CPT1C: variants seen among roughly 807,000 people sequenced by gnomAD.
CPT1C encodes the protein palmitoyl thioesterase CPT1C.
Under a neutral mutation model 97.3 loss-of-function variants are expected in CPT1C, and 61 were observed. The ratio of observed to expected loss-of-function variants is 0.63; its 90% confidence interval spans 0.51 to 0.78. The LOEUF is 0.78. Among genes scored for constraint, CPT1C ranks in the 30% least tolerant of loss-of-function variants. The pLI is 0.00. For synonymous variants in CPT1C, 469 were observed against 447.2 expected, an observed-to-expected ratio of 1.05 and a Z score of -0.61; for missense variants, 975 against 1,065.5, an observed-to-expected ratio of 0.92 and a Z score of 1.18.
rs2123400549 is a variant in CPT1C at position 49,705,003 on chromosome 19, C to G, written c.772-4C>G. The G allele has an allele frequency of 6.3e-7, 1 of 1,588,228 alleles. No individual in the cohort carries two copies. The highest frequency in any genetic ancestry group is 8.6e-7 in the Non-Finnish European group (1 of 1,163,518). On this transcript the variant is annotated splice_region_variant and splice_polypyrimidine_tract_variant and intron_variant, in intron 8 of 19. Coordinates refer to ENST00000598293, the MANE Select transcript of CPT1C (RefSeq NM_001199753.2). ...GTTTTGCCATCCCCTCTCCTGGTCC[C>G]CAGGACTTCCTGTATGTCACACCCA...
chr19:49,707,721 G>C (rs1427331629), intron 13 of CPT1C, 98 bp downstream of exon 13: 10 of 732,908 alleles, frequency 1.4e-5, no homozygotes, highest in Non-Finnish European at 1.7e-5. Context: ...ACTGAGGCTT[G>C]GCCGGGCACG....
rs779646057 is a variant in CPT1C, at chr19:49,711,876, T to A, written c.1934T>A (p.Met645Lys). 6.2e-7 allele frequency: 1 copy of A among 1,614,130 alleles called. No individual in the cohort carries two copies. The highest frequency in any genetic ancestry group is 8.5e-7 in the Non-Finnish European group (1 of 1,180,032). Residue 645 changes from methionine (M) to lysine (K), a missense_variant, in exon 17 of 20, where the codon ATG becomes AAG. Coordinates refer to ENST00000598293, the MANE Select transcript of CPT1C (RefSeq NM_001199753.2). ...DKHQALLKAA[M>K]SGQGVDRHLF... ...CACCAGGCTCTGCTGAAGGCAGCCATGAGCGGGCAGGGAGTTGACCGCCAC... is the reference window on the plus strand; with the variant it reads ...CACCAGGCTCTGCTGAAGGCAGCCAAGAGCGGGCAGGGAGTTGACCGCCAC...
chr19:49,694,084 TAA>T (rs66806048), intron 3 of CPT1C, among the ~76,000 whole-genome samples: 3 of 136,846 alleles, frequency 2.2e-5, no homozygotes, highest in Non-Finnish European at 4.7e-5. Flanking sequence ...TAAAATAAAA[TAA>T]AAAATAAATA....
At chr19:49,701,879 AATAT>A (rs1186142967) in intron 7 of CPT1C, among the ~76,000 whole-genome samples, 1 of 107,562 alleles carries the variant, frequency 9.3e-6, no homozygotes, top group Non-Finnish European at 1.9e-5. Context: ...TGTATATATA[AATAT>A]ATATATTTAT....
chr19:49,712,513 G>T, intron 17 of CPT1C: 1 of 566,326 alleles, frequency 1.8e-6, no homozygotes, highest in Non-Finnish European at 3.2e-6. Context: ...GGTCAGAGGA[G>T]GGGCGTGGTC....
chr19:49,692,244 C>T lies in CPT1C; in HGVS notation c.-9C>T. ...TATGACTCTGCCCGACTCAGGGCTC[C>T]AGCGTGACATGGCTGAAGCGCACCA... On this transcript the variant is annotated 5_prime_UTR_variant, in exon 3 of 20. Transcript: ENST00000598293. 6.2e-7 allele frequency: 1 copy of T among 1,613,334 alleles called. No homozygotes were observed. The highest frequency in any genetic ancestry group is 8.5e-7 in the Non-Finnish European group (1 of 1,179,964).
At chr19:49,712,453 C>T in intron 17 of CPT1C, 1 of 443,956 alleles carries the variant, frequency 2.3e-6, no homozygotes, top group South Asian at 2.8e-5. Context: ...ACAACGGGAG[C>T]AGACAAAAGG....
At chr19:49,694,874 C>T (rs2082572385) in intron 3 of CPT1C, among the ~76,000 whole-genome samples, 1 of 152,136 alleles carries the variant, frequency 6.6e-6, no homozygotes, top group South Asian at 2.1e-4. Flanking sequence ...GGCATGGTGG[C>T]TCACGCCTCT....
chr19:49,702,147 TTATTTATAAATTATAAATAAATATA>T (rs2083201614), intron 7 of CPT1C, among the ~76,000 whole-genome samples: 1 of 124,408 alleles, frequency 8.0e-6, no homozygotes, highest in Non-Finnish European at 1.7e-5. Context: ...AAATATATAT[TTATTTATAAATTATAAATAAATATA>T]TATTTATTTA....
At chr19:49,704,187 G>T (rs897935725) in intron 7 of CPT1C, among the ~76,000 whole-genome samples, 1 of 151,654 alleles carries the variant, frequency 6.6e-6, no homozygotes, top group Non-Finnish European at 1.5e-5. Context: ...TCTTTTTTGG[G>T]GGGGACGGAG....
At chr19:49,712,362 A>T in intron 17 of CPT1C, 1 of 267,990 alleles carries the variant, frequency 3.7e-6, no homozygotes, top group Non-Finnish European at 7.0e-6. Flanking sequence ...AAAAAAAAGG[A>T]GGGTGATGTT....
At position 49,700,690 on chromosome 19, in the gene CPT1C, A is replaced by G. The variant is rs140411644; in HGVS notation, c.288A>G (p.Gly96=). 6.2e-7 allele frequency: 1 copy of G among 1,608,394 alleles called. No homozygotes were observed. Among genetic ancestry groups the G allele is most frequent in the Non-Finnish European group, 8.5e-7 (1 of 1,179,982 alleles). ...KIKELLPDWG[G]QHHGLRGVLA... is the part of the protein sequence containing the mutation. ...TCTGTTTCTCTCCCCGCAGGGGTGGACAACACCACGGGCTCCGGGGGGTCC... is the reference window on the plus strand; with the variant it reads ...TCTGTTTCTCTCCCCGCAGGGGTGGGCAACACCACGGGCTCCGGGGGGTCC... Residue 96 remains glycine (G), a synonymous_variant, in exon 5 of 20, where the codon GGA becomes GGG. Coordinates refer to ENST00000598293, the MANE Select transcript of CPT1C (RefSeq NM_001199753.2).
chr19:49,707,014 C>A (rs941463084), intron 12 of CPT1C, among the ~76,000 whole-genome samples: 2 of 152,138 alleles, frequency 1.3e-5, no homozygotes, highest in African/African-American at 4.8e-5. Flanking sequence ...GTGGCTCATG[C>A]CTGTAGTCTC....
At chr19:49,695,514 A>T (rs1325845245) in intron 3 of CPT1C, among the ~76,000 whole-genome samples, 2 of 150,166 alleles carry the variant, frequency 1.3e-5, no homozygotes, top group Non-Finnish European at 3.0e-5. Flanking sequence ...CGAACTCCTG[A>T]TCTCAGGTGA....
chr19:49,710,186 T>C, intron 14 of CPT1C, 134 bp from the exon 15 acceptor site: 1 of 852,678 alleles, frequency 1.2e-6, no homozygotes, highest in Admixed American at 2.2e-5. Context: ...AATTCTCTTC[T>C]CTTCTTTGTC....
chr19:49,708,982 A>C, intron 14 of CPT1C, 143 bp downstream of exon 14: 5 of 600,224 alleles, frequency 8.3e-6, no homozygotes, highest in East Asian at 5.7e-5. Context: ...CCACCCCCAA[A>C]TCAGGCCATA....
In CPT1C at chr19:49,701,642, C is replaced by G; in HGVS notation, c.693+8C>G. The G allele has an allele frequency of 6.3e-7, 1 of 1,586,902 alleles. No homozygotes were observed. Among genetic ancestry groups the G allele is most frequent in the Non-Finnish European group, 8.6e-7 (1 of 1,161,714 alleles). Reference sequence around the variant, plus strand: ...TGGTGGGCGTCCAATTATGTGAGTCCCGCCACCGCCACCAACGCCCCACCT... The same window carrying G: ...TGGTGGGCGTCCAATTATGTGAGTCGCGCCACCGCCACCAACGCCCCACCT... On this transcript the variant is annotated splice_region_variant and intron_variant, in intron 7 of 19. Transcript: ENST00000598293.
In CPT1C at chr19:49,705,881, C is replaced by T. The variant is rs79067183; in HGVS notation, c.965-28C>T. On this transcript the variant is annotated intron_variant, in intron 10 of 19. Transcript: ENST00000598293. ...TTTTTATGTGTCTGGCCTTCCTGCC[C>T]CCATGCTTCTGCCAACGCCACCCCT... The T allele has an allele frequency of 3.6e-3, 5,807 of 1,592,764 alleles. 114 individuals are homozygous for T. The highest frequency in any genetic ancestry group is 6.6e-3 in the East Asian group (296 of 44,576).
intron 1 of CPT1C, 177 bp downstream of exon 1, chr19:49,691,517 G>C (rs1342656454): frequency 6.6e-6 from 1 of 152,144 alleles, no homozygotes; most frequent in Admixed American, 6.5e-5. Context: ...CCTCCAGCAC[G>C]GGCGGGGGGA....
Sources: gnomAD v4.1 joint callset for allele counts (sites outside exome capture counted in the v4.1 genomes callset) on GRCh38, gnomAD v4.1.1 for gene constraint, MANE v1.5 for transcripts, NCBI Gene and HGNC (gene_info 2026-07-23, HGNC 2026-07-21) for gene names.